MNAT1: variants seen among roughly 807,000 people sequenced by gnomAD.
The protein encoded by MNAT1 is CDK-activating kinase assembly factor MAT1.
Under a neutral mutation model 42.0 loss-of-function variants are expected in MNAT1, and 43 were observed. The ratio of observed to expected loss-of-function variants is 1.02; its 90% CI spans 0.80 to 1.32. The LOEUF is 1.32. Among genes scored for constraint, MNAT1 ranks in the 40% most tolerant of loss-of-function variants. The pLI, the probability that MNAT1 is intolerant of heterozygous loss-of-function variation, is 0.00. For synonymous variants in MNAT1, 118 were observed against 120.0 expected (o/e 0.98, Z 0.11); for missense variants, 306 against 350.4 (o/e 0.87, Z 1.01).
At chr14:60,834,637 G>A (rs1033066550) in intron 6 of MNAT1, among the ~76,000 whole-genome samples, 2 of 152,194 alleles carry the variant, frequency 1.3e-5, no homozygotes, top group African/African-American at 4.8e-5. Flanking sequence ...AGATTCTGTT[G>A]ACTTGAGGTG....
At position 60,839,024 on chromosome 14, in the gene MNAT1, A is replaced by G. The variant is rs1317785488; in HGVS notation, c.687+20177A>G. ...GTGTGACCTTGCAGGTGCCCCTCCC[A>G]CAAGCAGAGTGGGTACCCTGGACAA... On this transcript the variant is annotated intron_variant, in intron 6 of 7. Coordinates refer to ENST00000261245, the MANE Select transcript of MNAT1 (RefSeq NM_002431.4). Among the ~76,000 whole-genome samples, 8 of 152,016 alleles carry G rather than the reference A, an allele frequency of 5.3e-5. No individual in the cohort carries two copies. In the East Asian group the frequency reaches 1.4e-3, roughly 26 times the overall value.
In MNAT1 at chr14:60,947,598, G is replaced by A. The variant is rs146015516; in HGVS notation, c.810-20631G>A. Among the ~76,000 whole-genome samples the A allele has an allele frequency of 1.2e-3, 177 of 152,234 alleles. No individual in the cohort carries two copies. The East Asian group carries it at 0.023, about 20-fold the overall frequency. On this transcript the variant is annotated intron_variant, in intron 7 of 7. Transcript: ENST00000261245. ...CTCTGGAGACTGAGGCAGGAGAATC[G>A]CTTGAACCCGGGAGGCAGAGGTTGC...
At chr14:60,914,653 C>T (rs528795500) in intron 7 of MNAT1, among the ~76,000 whole-genome samples, 1 of 152,140 alleles carries the variant, frequency 6.6e-6, no homozygotes, top group South Asian at 2.1e-4. Flanking sequence ...TAGGTAGCTT[C>T]TGTGTTGACC....
chr14:60,875,730 A>G (rs1331805545), intron 6 of MNAT1, among the ~76,000 whole-genome samples: 1 of 152,116 alleles, frequency 6.6e-6, no homozygotes, highest in Non-Finnish European at 1.5e-5. Flanking sequence ...ATTATAAGAC[A>G]TCATAACTTT....
chr14:60,794,882 C>G (rs186200042), intron 1 of MNAT1, among the ~76,000 whole-genome samples: 2 of 151,736 alleles, frequency 1.3e-5, no homozygotes, highest in East Asian at 3.9e-4. Context: ...CTCTTTTTCC[C>G]TTTGTCTTGT....
intron 7 of MNAT1, among the ~76,000 whole-genome samples, chr14:60,886,340 T>G (rs1319829631): frequency 6.6e-6 from 1 of 152,076 alleles, no homozygotes; most frequent in African/African-American, 2.4e-5. Context: ...TTTGGTAGTA[T>G]GGACATTTTA....
At chr14:60,841,554 A>ATATT (rs767024343) in intron 6 of MNAT1, among the ~76,000 whole-genome samples, 14 of 152,078 alleles carry the variant, frequency 9.2e-5, no homozygotes, top group Non-Finnish European at 2.1e-4. Context: ...CATGTGGAAT[A>ATATT]TATTTATGCT....
intron 6 of MNAT1, among the ~76,000 whole-genome samples, chr14:60,873,222 ATTG>A (rs1646186269): frequency 1.3e-5 from 2 of 151,428 alleles, no homozygotes; most frequent in African/African-American, 2.4e-5. Context: ...TGTCATCTTT[ATTG>A]TTGTTGTTTC....
At chr14:60,800,925 G>A (rs1011071303) in intron 3 of MNAT1, among the ~76,000 whole-genome samples, 17 of 152,130 alleles carry the variant, frequency 1.1e-4, no homozygotes, top group Admixed American at 1.3e-4. Flanking sequence ...ATGGGGATAT[G>A]TGGTATTTGC....
intron 7 of MNAT1, among the ~76,000 whole-genome samples, chr14:60,954,594 C>T (rs971987781): frequency 6.6e-6 from 1 of 152,124 alleles, no homozygotes; most frequent in African/African-American, 2.4e-5. Flanking sequence ...GCTGATTTTG[C>T]ATGCTGAAGC....
chr14:60,965,197 T>A (rs1212735245), intron 7 of MNAT1, among the ~76,000 whole-genome samples: 3 of 152,186 alleles, frequency 2.0e-5, no homozygotes, highest in Non-Finnish European at 4.4e-5. Flanking sequence ...ATTGACTTGG[T>A]TTTGGCAGTG....
At chr14:60,907,552 G>A (rs571767385) in intron 7 of MNAT1, among the ~76,000 whole-genome samples, 15 of 151,706 alleles carry the variant, frequency 9.9e-5, no homozygotes, top group Admixed American at 3.9e-4. Context: ...AGGCCTAAGC[G>A]GGCAGATCAC....
chr14:60,958,021 C>T (rs1370039028), intron 7 of MNAT1, among the ~76,000 whole-genome samples: 1 of 151,998 alleles, frequency 6.6e-6, no homozygotes, highest in Non-Finnish European at 1.5e-5. Flanking sequence ...ATTTTTACTA[C>T]AGACAAGGTT....
chr14:60,808,658 T>C (rs1266270511), intron 4 of MNAT1: 1 of 260,052 alleles, frequency 3.8e-6, no homozygotes, highest in African/African-American at 2.2e-5. Flanking sequence ...CTTAAGGAAG[T>C]GGATCCGTAA....
intron 7 of MNAT1, among the ~76,000 whole-genome samples, chr14:60,902,661 T>C (rs1221039003): frequency 6.6e-6 from 1 of 152,128 alleles, no homozygotes; most frequent in African/African-American, 2.4e-5. Context: ...CCTTTTGGGA[T>C]TGTACCTGGA....
At chr14:60,960,788 T>C (rs966635471) in intron 7 of MNAT1, among the ~76,000 whole-genome samples, 1 of 151,974 alleles carries the variant, frequency 6.6e-6, no homozygotes, top group African/African-American at 2.4e-5. Context: ...AAACCAGTAG[T>C]TTTCATTATT....
intron 7 of MNAT1, 117 bp from the exon 8 acceptor site, chr14:60,968,112 T>TA: frequency 1.4e-6 from 1 of 727,222 alleles, no homozygotes; most frequent in South Asian, 1.8e-5. Flanking sequence ...AAAGTCTGAA[T>TA]ATTTCAATCT....
intron 1 of MNAT1, among the ~76,000 whole-genome samples, chr14:60,752,700 G>T (rs1443589105): frequency 6.6e-6 from 1 of 152,098 alleles, no homozygotes; most frequent in African/African-American, 2.4e-5. Flanking sequence ...GGAGAATGCT[G>T]TTTTAAGTTT....
chr14:60,756,368 GTTT>G (rs1037071537), intron 1 of MNAT1, among the ~76,000 whole-genome samples: 1 of 152,188 alleles, frequency 6.6e-6, no homozygotes, highest in Non-Finnish European at 1.5e-5. Flanking sequence ...GTCAGATAAT[GTTT>G]TGTTACTCTT....
Sources: gnomAD v4.1 joint callset for allele counts (sites outside exome capture counted in the v4.1 genomes callset) on GRCh38, gnomAD v4.1.1 for gene constraint, MANE v1.5 for transcripts, NCBI Gene and HGNC (gene_info 2026-07-23, HGNC 2026-07-21) for gene names.